Variants in DPP6 observed in about 807,000 individuals in gnomAD.
The protein encoded by DPP6 is A-type potassium channel modulatory protein DPP6.
Under a neutral mutation model 122.6 loss-of-function variants are expected in DPP6, and 69 were observed. The ratio of observed to expected loss-of-function variants is 0.56; its 90% confidence interval spans 0.46 to 0.69. The LOEUF is 0.69. DPP6 is among the 30% of genes least tolerant of loss of function. DPP6 has a pLI of 0.00. For synonymous variants in DPP6, 418 were observed against 433.1 expected (o/e 0.97, Z 0.43); for missense variants, 928 against 1,116.9 (o/e 0.83, Z 2.41).
intron 6 of DPP6, among the ~76,000 whole-genome samples, chr7:154,668,935 T>C (rs1838369492): frequency 6.6e-6 from 1 of 152,218 alleles, no homozygotes; most frequent in Non-Finnish European, 1.5e-5. Context: ...ACCAGGTTTG[T>C]AAGGTCATAA....
chr7:153,765,506 C>T, the DPP6 span, among the ~76,000 whole-genome samples: 1 of 150,732 alleles, frequency 6.6e-6, no homozygotes, highest in Non-Finnish European at 1.5e-5. Flanking sequence ...CATGCCACTG[C>T]ACTCCAGCCT....
intron 16 of DPP6, among the ~76,000 whole-genome samples, chr7:154,848,723 A>G (rs1433697320): frequency 1.3e-5 from 2 of 151,678 alleles, no homozygotes. Flanking sequence ...GTCCAAGCCA[A>G]GAATCATTGC....
At chr7:154,556,696 G>A (rs78449767) in intron 4 of DPP6, among the ~76,000 whole-genome samples, 2,600 of 152,084 alleles carry the variant, frequency 0.017, 69 homozygotes, top group African/African-American at 0.057. Flanking sequence ...TTAATTTTAA[G>A]AAAGGCAAAA....
chr7:153,910,384 C>T (rs1242412692), intron 1 of DPP6, among the ~76,000 whole-genome samples: 1 of 152,076 alleles, frequency 6.6e-6, no homozygotes, highest in Middle Eastern at 3.2e-3. Context: ...CACGAGCCCA[C>T]ACCCAGATAA....
chr7:153,810,682 CTCT>C, the DPP6 span, among the ~76,000 whole-genome samples: 34,449 of 140,076 alleles, frequency 0.25, 4,627 homozygotes, highest in South Asian at 0.31. Flanking sequence ...CTCTCTCTCT[CTCT>C]CTCTCTCTCT....
In DPP6 at chr7:154,727,640, C is replaced by A. The variant is rs1016753956; in HGVS notation, c.763-127C>A. The A allele has an allele frequency of 6.8e-6, 9 of 1,320,418 alleles. No individual in the cohort carries two copies. The African/African-American group carries it at 1.3e-4, about 20-fold the overall frequency. 81.8% of individuals were successfully genotyped at this position (1,320,418 alleles called of 1,614,324 possible). A position where few individuals can be genotyped will look rare whatever the true frequency, so the allele number is the denominator to read the frequency against. The stretch of plus-strand genomic sequence containing the variant: ...AGACCTCCAAGAATTTTGAGACTGC[C>A]TTTGTTCTGTCTAATAAATACAACA... On this transcript the variant is annotated intron_variant, in intron 7 of 25. Coordinates refer to ENST00000377770, the MANE Select transcript of DPP6 (RefSeq NM_130797.4).
chr7:153,787,667 G>C, the DPP6 span, among the ~76,000 whole-genome samples: 2 of 150,142 alleles, frequency 1.3e-5, no homozygotes, highest in African/African-American at 4.9e-5. Context: ...CTACTTGGGA[G>C]GCTAAGGTGG....
At chr7:154,464,946 A>G (rs1328980914) in intron 2 of DPP6, among the ~76,000 whole-genome samples, 1 of 152,226 alleles carries the variant, frequency 6.6e-6, no homozygotes, top group Non-Finnish European at 1.5e-5. Context: ...GCACATGTAT[A>G]CCTACGATAA....
intron 19 of DPP6, among the ~76,000 whole-genome samples, chr7:154,873,510 C>T (rs571883124): frequency 3.3e-4 from 50 of 152,262 alleles, no homozygotes; most frequent in Non-Finnish European, 5.6e-4. Context: ...GTGCAACTAC[C>T]CCCTGAGTAA....
intron 1 of DPP6, among the ~76,000 whole-genome samples, chr7:154,184,575 A>G (rs1324132541): frequency 2.0e-5 from 3 of 152,172 alleles, no homozygotes; most frequent in African/African-American, 4.8e-5. Context: ...ACCGGCAGGT[A>G]TGAATGCTTC....
intron 11 of DPP6, 72 bp downstream of exon 11, chr7:154,794,274 A>AGAGTC: frequency 6.7e-7 from 1 of 1,484,530 alleles, no homozygotes; most frequent in Non-Finnish European, 9.0e-7. Context: ...AGGTGGCGCC[A>AGAGTC]GAGTCGTCTC....
the DPP6 span, among the ~76,000 whole-genome samples, chr7:153,859,414 T>C: frequency 0.18 from 27,203 of 152,152 alleles, 2,453 homozygotes; most frequent in Middle Eastern, 0.22. Context: ...ATGACGGTGG[T>C]GAAGAACCAC....
chr7:154,062,915 A>G (rs1802218586), intron 1 of DPP6, among the ~76,000 whole-genome samples: 1 of 133,472 alleles, frequency 7.5e-6, no homozygotes, highest in African/African-American at 2.7e-5. Context: ...ACCCACCTGG[A>G]GGACTGTGGG....
chr7:154,653,975 GAA>G (rs199798026), intron 6 of DPP6, among the ~76,000 whole-genome samples: 9 of 22,968 alleles, frequency 3.9e-4, no homozygotes, highest in East Asian at 2.9e-3. Flanking sequence ...CAAATACCTG[GAA>G]AAAAAAAAAA....
At chr7:154,640,159 G>A (rs761046710) in intron 6 of DPP6, among the ~76,000 whole-genome samples, 6 of 152,302 alleles carry the variant, frequency 3.9e-5, no homozygotes, top group African/African-American at 1.4e-4. Flanking sequence ...GGCTGAGGCA[G>A]GAGAATCGCT....
chr7:154,338,077 G>C (rs945688997), intron 1 of DPP6, among the ~76,000 whole-genome samples: 1 of 152,156 alleles, frequency 6.6e-6, no homozygotes, highest in African/African-American at 2.4e-5. Flanking sequence ...CTTTAGTCTG[G>C]ATTCACATTT....
At chr7:154,491,438 G>A (rs540485655) in intron 3 of DPP6, among the ~76,000 whole-genome samples, 1 of 152,292 alleles carries the variant, frequency 6.6e-6, no homozygotes, top group Non-Finnish European at 1.5e-5. Context: ...TCTAAGAAAA[G>A]ACACAACATA....
chr7:154,192,245 T>G (rs1429961775), intron 1 of DPP6, among the ~76,000 whole-genome samples: 1 of 152,260 alleles, frequency 6.6e-6, no homozygotes, highest in African/African-American at 2.4e-5. Context: ...TTTTCCCAAT[T>G]GTACAACGTC....
the DPP6 span, among the ~76,000 whole-genome samples, chr7:153,772,835 A>G: frequency 6.8e-5 from 10 of 147,382 alleles, no homozygotes; most frequent in East Asian, 1.4e-3. Context: ...TGCCTCTGAT[A>G]TAAAAGACTT....
Sources: allele counts gnomAD v4.1 joint callset (sites outside exome capture counted in the v4.1 genomes callset), GRCh38; gene constraint gnomAD v4.1.1; transcripts MANE v1.5; gene names NCBI Gene and HGNC (gene_info 2026-07-23, HGNC 2026-07-21).